The following IGF1R variants were observed in gnomAD, a reference collection of about 807,000 sequenced individuals.
The protein encoded by IGF1R is insulin-like growth factor 1 receptor.
A neutral mutation model predicts 144.6 loss-of-function variants in IGF1R; 44 were observed. The ratio of observed to expected loss-of-function variants is 0.30; its 90% confidence interval spans 0.24 to 0.39. The LOEUF is 0.39. Ranked by LOEUF, IGF1R falls within the 10% of genes least tolerant of loss-of-function variation. The pLI is 1.00. For missense variants in IGF1R, 1,355 were observed against 1,833.7 expected, an observed-to-expected ratio of 0.74 and a Z score of 4.77; for synonymous variants, 795 against 722.8, an observed-to-expected ratio of 1.10 and a Z score of -1.60.
At chr15:98,921,095 C>A (rs914957054) in intron 10 of IGF1R, among the ~76,000 whole-genome samples, 1 of 152,200 alleles carries the variant, frequency 6.6e-6, no homozygotes, top group Non-Finnish European at 1.5e-5. Context: ...CCCATTTGCC[C>A]CCTGCCTTTT....
At chr15:98,650,936 C>G in intron 1 of IGF1R, 1 of 985,092 alleles carries the variant, frequency 1.0e-6, no homozygotes. Flanking sequence ...CCCCCGGTGT[C>G]TACGGCCGGA....
At chr15:98,796,411 G>A (rs1477246018) in intron 2 of IGF1R, among the ~76,000 whole-genome samples, 8 of 152,204 alleles carry the variant, frequency 5.3e-5, no homozygotes, top group Admixed American at 3.3e-4. Context: ...CAGTGGGTGA[G>A]CACTTCCATT....
intron 2 of IGF1R, among the ~76,000 whole-genome samples, chr15:98,713,923 A>G: frequency 6.6e-6 from 1 of 152,222 alleles, no homozygotes; most frequent in East Asian, 1.9e-4. Context: ...CCAGGAAGGC[A>G]GGGCCGGGCT....
intron 2 of IGF1R, among the ~76,000 whole-genome samples, chr15:98,777,691 G>C (rs2055753441): frequency 6.6e-6 from 1 of 152,232 alleles, no homozygotes; most frequent in Non-Finnish European, 1.5e-5. Flanking sequence ...CAAGAGGGCA[G>C]CAAGTGCATC....
intron 2 of IGF1R, among the ~76,000 whole-genome samples, chr15:98,709,462 T>G (rs547931695): frequency 5.4e-4 from 82 of 152,224 alleles, no homozygotes; most frequent in Non-Finnish European, 1.0e-3. Flanking sequence ...CAGGCCACTT[T>G]AAGGTTGGCT....
chr15:98,850,103 G>A (rs79651952), intron 2 of IGF1R, among the ~76,000 whole-genome samples: 1 of 152,198 alleles, frequency 6.6e-6, no homozygotes. Flanking sequence ...TGTTTCAAAT[G>A]GCAAAAGATG....
At chr15:98,703,798 A>G (rs1183348914) in intron 1 of IGF1R, among the ~76,000 whole-genome samples, 1 of 152,226 alleles carries the variant, frequency 6.6e-6, no homozygotes, top group Non-Finnish European at 1.5e-5. Context: ...ATGAAGTTCA[A>G]CTTGCTTCAG....
chr15:98,857,524 C>T (rs1032152833), intron 2 of IGF1R, among the ~76,000 whole-genome samples: 2 of 152,172 alleles, frequency 1.3e-5, no homozygotes, highest in African/African-American at 2.4e-5. Flanking sequence ...CAGCCTACGT[C>T]TTTAAAAATA....
chr15:98,703,304 C>G (rs890768361), intron 1 of IGF1R, among the ~76,000 whole-genome samples: 11 of 152,032 alleles, frequency 7.2e-5, no homozygotes, highest in Admixed American at 6.5e-4. Flanking sequence ...AAGGGTGTGT[C>G]TCTCCCTCTT....
intron 2 of IGF1R, among the ~76,000 whole-genome samples, chr15:98,883,092 A>G (rs1302767044): frequency 1.3e-5 from 2 of 152,194 alleles, no homozygotes; most frequent in Admixed American, 1.3e-4. Context: ...ATAGTGGGAT[A>G]TTTTCTCTAG....
intron 1 of IGF1R, among the ~76,000 whole-genome samples, chr15:98,694,880 G>A (rs1017371731): frequency 5.9e-5 from 9 of 152,150 alleles, no homozygotes; most frequent in Admixed American, 3.9e-4. Context: ...GTGCGTGGAA[G>A]GAAAGCTAAG....
intron 1 of IGF1R, among the ~76,000 whole-genome samples, chr15:98,676,223 C>T (rs1003117220): frequency 5.9e-5 from 9 of 152,112 alleles, no homozygotes; most frequent in African/African-American, 1.2e-4. Context: ...TCCCTGCAAC[C>T]TCCACCTCCC....
chr15:98,704,863 G>A lies in IGF1R; in HGVS notation c.95-2699G>A, dbSNP rs10152329. Among the ~76,000 whole-genome samples the A allele has an allele frequency of 0.011, 1,626 of 152,172 alleles. 29 individuals carry two copies. The highest frequency in any genetic ancestry group is 0.035 in the African/African-American group (1,434 of 41,470). ...CCAAGATTCTCATAGGCTTGGGAGC[G>A]GAAGCCCTGAGGTCTGTTGCTGGAC... On this transcript the variant is annotated intron_variant, in intron 1 of 20. Transcript: ENST00000650285. This position sits in a 1 kb window ranked among gnomAD's most constrained non-coding sequence, Gnocchi z 4.9.
chr15:98,657,123 A>G (rs967869966), intron 1 of IGF1R, among the ~76,000 whole-genome samples: 1 of 152,232 alleles, frequency 6.6e-6, no homozygotes, highest in Admixed American at 6.5e-5. Flanking sequence ...GGTTATTGGG[A>G]ATATGTGCTT....
At chr15:98,819,773 C>T (rs1056510771) in intron 2 of IGF1R, among the ~76,000 whole-genome samples, 6 of 152,078 alleles carry the variant, frequency 3.9e-5, no homozygotes, top group South Asian at 4.1e-4. Flanking sequence ...TATGCGTTAA[C>T]GTACTTTTAT....
chr15:98,708,235 G>C, intron 2 of IGF1R, 128 bp downstream of exon 2: 1 of 827,140 alleles, frequency 1.2e-6, no homozygotes, highest in South Asian at 1.4e-5. Flanking sequence ...TTTAGGACGT[G>C]GCATGCCTGC....
rs2151745085 is a variant in IGF1R, at chr15:98,961,123, G to A, written c.*3681G>A. 1 of 233,602 alleles carries A rather than the reference G, an allele frequency of 4.3e-6. No individual in the cohort carries two copies. The highest frequency in any genetic ancestry group is 8.5e-6 in the Non-Finnish European group (1 of 117,956). The allele number at this position is 233,602 out of a possible 1,614,324, so 14.5% of individuals were successfully genotyped here. On this transcript the variant is annotated 3_prime_UTR_variant, in exon 21 of 21. Transcript: ENST00000650285. Reference sequence around the variant, plus strand: ...GCTGGAACGCGACCCATCTCTCCCAGGACCCCGGGGATCTTAAGGTCATTG... The same window carrying A: ...GCTGGAACGCGACCCATCTCTCCCAAGACCCCGGGGATCTTAAGGTCATTG...
intron 2 of IGF1R, among the ~76,000 whole-genome samples, chr15:98,888,438 A>AGTGAGTGTGT (rs1555457187): frequency 7.0e-6 from 1 of 143,354 alleles, no homozygotes; most frequent in Admixed American, 7.0e-5. Flanking sequence ...AGAGAGAGAG[A>AGTGAGTGTGT]GTGTGTGTGT....
rs550329941 is a variant in IGF1R, at chr15:98,933,199, C to T, written c.2957-1625C>T. Among the ~76,000 whole-genome samples the T allele has an allele frequency of 1.2e-3, 177 of 152,316 alleles. 2 individuals carry two copies. The highest frequency in any genetic ancestry group is 0.012 in the Admixed American group (177 of 15,306). ...GACATTTCATATGGATCTTATGGAACAGGTTGATTTTATTTTCGTTTTTAC... is the reference window on the plus strand; with the variant it reads ...GACATTTCATATGGATCTTATGGAATAGGTTGATTTTATTTTCGTTTTTAC... On this transcript the variant is annotated intron_variant, in intron 15 of 20. Coordinates refer to ENST00000650285, the MANE Select transcript of IGF1R (RefSeq NM_000875.5).
Sources: allele counts gnomAD v4.1 joint callset (sites outside exome capture counted in the v4.1 genomes callset), GRCh38; gene constraint gnomAD v4.1.1; non-coding constraint Gnocchi (gnomAD v3.1); transcripts MANE v1.5; gene names NCBI Gene and HGNC (gene_info 2026-07-23, HGNC 2026-07-21).